The following MREG variants were observed in gnomAD, a reference collection of about 807,000 sequenced individuals.
MREG encodes dilute suppressor protein homolog.
MREG carries 31 observed loss-of-function variants against 28.5 expected under a neutral mutation model. The observed-to-expected ratio is 1.09, with a 90% CI of 0.82 to 1.47. The LOEUF (loss-of-function observed/expected upper bound fraction) is 1.47, where lower values mean the gene tolerates loss of function less well. Ranked by LOEUF, MREG falls within the 40% of genes most tolerant of loss-of-function variation. The pLI is 0.00. For missense variants in MREG, 256 were observed against 257.4 expected, an observed-to-expected ratio of 0.99 and a Z score of 0.04; for synonymous variants, 106 against 95.2, an observed-to-expected ratio of 1.11 and a Z score of -0.66.
chr2:215,979,407 G>A (rs1049325657), intron 2 of MREG, among the ~76,000 whole-genome samples: 2 of 150,328 alleles, frequency 1.3e-5, no homozygotes, highest in Non-Finnish European at 3.0e-5. Context: ...AGATTGCAGT[G>A]AGCCGAGATC....
At chr2:215,986,515 G>C (rs1363586367) in intron 2 of MREG, among the ~76,000 whole-genome samples, 1 of 152,202 alleles carries the variant, frequency 6.6e-6, no homozygotes, top group African/African-American at 2.4e-5. Flanking sequence ...TCTCCACCTT[G>C]AAGTGTTTTT....
intron 2 of MREG, among the ~76,000 whole-genome samples, chr2:215,979,463 C>CAAAAAAAA (rs747741518): frequency 1.9e-5 from 2 of 105,716 alleles, no homozygotes; most frequent in Non-Finnish European, 3.7e-5. Context: ...AACTCCATCT[C>CAAAAAAAA]AAAAAATAAT....
At chr2:215,947,715 G>A (rs1352591030) in intron 2 of MREG, among the ~76,000 whole-genome samples, 1 of 152,084 alleles carries the variant, frequency 6.6e-6, no homozygotes, top group Non-Finnish European at 1.5e-5. Context: ...CTTGATTCCT[G>A]GGCAATGTCT....
At chr2:215,962,543 C>G (rs149697220) in intron 2 of MREG, among the ~76,000 whole-genome samples, 4 of 152,074 alleles carry the variant, frequency 2.6e-5, no homozygotes, top group Admixed American at 6.5e-5. Context: ...AATTCCTGCC[C>G]GTGGATAGAA....
intron 1 of MREG, among the ~76,000 whole-genome samples, chr2:216,028,105 A>C (rs1369469477): frequency 6.6e-6 from 1 of 152,196 alleles, no homozygotes; most frequent in Non-Finnish European, 1.5e-5. Flanking sequence ...ACTAAAACCA[A>C]ATAATGCTTC....
At chr2:216,012,929 A>T (rs1275661626) in intron 1 of MREG, among the ~76,000 whole-genome samples, 4 of 152,136 alleles carry the variant, frequency 2.6e-5, no homozygotes, top group Non-Finnish European at 5.9e-5. Flanking sequence ...CCCCTATGGA[A>T]ACTTCTGATC....
chr2:215,955,995 G>A (rs73072147), intron 2 of MREG, among the ~76,000 whole-genome samples: 1 of 152,286 alleles, frequency 6.6e-6, no homozygotes, highest in African/African-American at 2.4e-5. Context: ...GTGACTCGAT[G>A]AAGTCAAAGA....
At chr2:216,015,938 A>G (rs772265621), upstream of MREG, among the ~76,000 whole-genome samples, 51 of 152,324 alleles carry the variant, frequency 3.3e-4, no homozygotes, top group African/African-American at 1.1e-3. Context: ...GAAAGTGTCA[A>G]TCCTCATGGG....
At chr2:216,007,127 A>G (rs1366674875) in intron 1 of MREG, among the ~76,000 whole-genome samples, 1 of 152,188 alleles carries the variant, frequency 6.6e-6, no homozygotes, top group Non-Finnish European at 1.5e-5. Flanking sequence ...AGTCTCCTCA[A>G]TGGCCAACTG....
At chr2:215,991,049 T>C (rs1693708298) in intron 2 of MREG, among the ~76,000 whole-genome samples, 1 of 152,184 alleles carries the variant, frequency 6.6e-6, no homozygotes, top group African/African-American at 2.4e-5. Flanking sequence ...GCAGACCTAA[T>C]AGACATGTAC....
chr2:215,994,199 T>A (rs765020385), intron 2 of MREG, among the ~76,000 whole-genome samples: 4 of 152,030 alleles, frequency 2.6e-5, no homozygotes, highest in Non-Finnish European at 4.4e-5. Flanking sequence ...AAAGAAAATG[T>A]GGCACATATA....
intron 2 of MREG, among the ~76,000 whole-genome samples, chr2:215,995,511 C>CCCCCCCCCCCCCCCCCCCG (rs146414052): frequency 7.3e-6 from 1 of 136,116 alleles, no homozygotes; most frequent in Non-Finnish European, 1.5e-5. Flanking sequence ...CCCACCCCAC[C>CCCCCCCCCCCCCCCCCCCG]CCCCGCCACC....
At chr2:215,995,516 G>GCCCCA (rs1693848809) in intron 2 of MREG, among the ~76,000 whole-genome samples, 1 of 61,642 alleles carries the variant, frequency 1.6e-5, no homozygotes, top group Non-Finnish European at 3.3e-5. Context: ...CCCACCCCCC[G>GCCCCA]CCACCAATAT....
chr2:216,019,650 G>A (rs943710171), intron 1 of MREG, among the ~76,000 whole-genome samples: 2 of 151,738 alleles, frequency 1.3e-5, no homozygotes, highest in Admixed American at 6.6e-5. Context: ...GACTATAGGC[G>A]CCCGCCACCA....
intron 1 of MREG, among the ~76,000 whole-genome samples, chr2:216,003,581 C>G (rs1010060904): frequency 1.3e-5 from 2 of 152,120 alleles, no homozygotes; most frequent in Non-Finnish European, 2.9e-5. Context: ...GCTCAGTACT[C>G]TCTCCCAAAT....
intron 2 of MREG, among the ~76,000 whole-genome samples, chr2:215,957,442 C>A (rs558356425): frequency 3.3e-5 from 5 of 152,106 alleles, no homozygotes. Flanking sequence ...CCCCCACACT[C>A]TCCTCTCCAC....
chr2:215,991,187 C>T (rs1693711363), intron 2 of MREG, among the ~76,000 whole-genome samples: 2 of 152,162 alleles, frequency 1.3e-5, no homozygotes, highest in Middle Eastern at 3.2e-3. Context: ...GAAATCGTAA[C>T]GGTCTCTCAG....
intron 2 of MREG, among the ~76,000 whole-genome samples, chr2:215,976,385 A>G (rs1693261760): frequency 6.6e-6 from 1 of 152,158 alleles, no homozygotes; most frequent in African/African-American, 2.4e-5. Context: ...ATTTGCTTTG[A>G]TTCCACATTC....
chr2:216,031,449 AAG>A (rs1694692508), intron 1 of MREG, among the ~76,000 whole-genome samples: 4 of 144,174 alleles, frequency 2.8e-5, no homozygotes, highest in African/African-American at 1.0e-4. Flanking sequence ...AAGAAAAAGA[AAG>A]AAAGAGAGAA....
Sources: gnomAD v4.1 joint callset for allele counts (sites outside exome capture counted in the v4.1 genomes callset) on GRCh38, gnomAD v4.1.1 for gene constraint, MANE v1.5 for transcripts, NCBI Gene and HGNC (gene_info 2026-07-23, HGNC 2026-07-21) for gene names.